The following AMD1 variants were observed in gnomAD, a reference collection of about 807,000 sequenced individuals.
The protein encoded by AMD1 is adenosylmethionine decarboxylase 1, also known as S-adenosylmethionine decarboxylase proenzyme.
AMD1 carries 11 observed loss-of-function variants against 40.2 expected under a neutral mutation model. That is an observed-to-expected ratio of 0.27 (90% confidence interval 0.17 to 0.45). AMD1 has a LOEUF of 0.45. Among genes scored for constraint, AMD1 ranks in the 20% least tolerant of loss-of-function variants. The pLI is 1.00. For missense variants in AMD1, 257 were observed against 410.2 expected, an observed-to-expected ratio of 0.63 and a Z score of 3.23; for synonymous variants, 121 against 130.8, an observed-to-expected ratio of 0.93 and a Z score of 0.51.
intron 1 of AMD1, among the ~76,000 whole-genome samples, chr6:110,876,757 T>C (rs868782985): frequency 6.6e-6 from 1 of 152,114 alleles, no homozygotes; most frequent in Middle Eastern, 3.4e-3. Context: ...AGATGGTATT[T>C]GTGATAGACG....
chr6:110,875,427 C>T, intron 1 of AMD1: 1 of 519,760 alleles, frequency 1.9e-6, no homozygotes, highest in East Asian at 3.4e-5. Flanking sequence ...CCGTGGTTGC[C>T]GCGCCTGGCA....
chr6:110,893,632 A>G lies in AMD1; in HGVS notation c.*16A>G. On this transcript the variant is annotated 3_prime_UTR_variant, in exon 9 of 9. Coordinates refer to ENST00000368885, the MANE Select transcript of AMD1 (RefSeq NM_001634.6). ...GCAGAGTTGATTAAGAAAAATGAAG[A>G]AAAAACGCAAAAAGAGAACACATGT... 1 of 1,608,740 alleles carries G rather than the reference A, an allele frequency of 6.2e-7. No homozygotes were observed. Among genetic ancestry groups the G allele is most frequent in the Non-Finnish European group, 8.5e-7 (1 of 1,179,456 alleles).
chr6:110,853,822 C>T, the AMD1 span, among the ~76,000 whole-genome samples: 4 of 152,334 alleles, frequency 2.6e-5, 1 homozygote, highest in South Asian at 6.2e-4. Flanking sequence ...ACTCTGTCTA[C>T]AATCCTCCAT....
the AMD1 span, among the ~76,000 whole-genome samples, chr6:110,828,076 T>C: frequency 6.6e-6 from 1 of 152,180 alleles, no homozygotes; most frequent in Non-Finnish European, 1.5e-5. Flanking sequence ...TTCACAGAGC[T>C]TGGGCATTTT....
rs1169915843 is a variant in AMD1 at position 110,895,085 on chromosome 6, CAAAGT to C, written c.*1470_*1474del. On this transcript the variant is annotated 3_prime_UTR_variant, in exon 9 of 9. Coordinates refer to ENST00000368885, the MANE Select transcript of AMD1 (RefSeq NM_001634.6). ...GGATTTTAAGGAACTGAGAAAACAG[CAAAGT>C]TGACTAAATTTTATATTTCTTGTCC... The C allele has an allele frequency of 6.6e-6, 1 of 152,166 alleles. No individual in the cohort carries two copies. The highest frequency in any genetic ancestry group is 1.5e-5 in the Non-Finnish European group (1 of 68,026). 9.4% of individuals were successfully genotyped at this position (152,166 alleles called of 1,614,324 possible).
chr6:110,834,503 AT>A, the AMD1 span, among the ~76,000 whole-genome samples: 1 of 152,136 alleles, frequency 6.6e-6, no homozygotes, highest in Admixed American at 6.6e-5. Flanking sequence ...TTCTATTGCA[AT>A]ATGTTGTTTT....
the AMD1 span, among the ~76,000 whole-genome samples, chr6:110,867,242 G>A: frequency 1.3e-5 from 2 of 151,424 alleles, no homozygotes; most frequent in African/African-American, 2.4e-5. Context: ...CAAATTCCTG[G>A]GTTCCGAGCA....
chr6:110,840,604 A>G, the AMD1 span, among the ~76,000 whole-genome samples: 4 of 152,156 alleles, frequency 2.6e-5, no homozygotes, highest in African/African-American at 9.7e-5. Context: ...CTTCAGGAAC[A>G]TTCAGGAGTT....
At chr6:110,865,587 GTT>G in the AMD1 span, among the ~76,000 whole-genome samples, 25 of 151,642 alleles carry the variant, frequency 1.6e-4, no homozygotes, top group Non-Finnish European at 3.1e-4. Context: ...CAGACACAGG[GTT>G]TCACCATGTT....
chr6:110,826,688 C>CTTTTTTT, the AMD1 span, among the ~76,000 whole-genome samples: 1 of 131,406 alleles, frequency 7.6e-6, no homozygotes, highest in African/African-American at 2.9e-5. Context: ...TCTTTTCTTT[C>CTTTTTTT]TTTTTTTTTT....
the AMD1 span, among the ~76,000 whole-genome samples, chr6:110,843,081 C>T: frequency 0.084 from 12,523 of 149,454 alleles, 910 homozygotes; most frequent in African/African-American, 0.21. Context: ...TGCAGTGAGC[C>T]GAGATCGGGC....
At chr6:110,847,042 A>AGTGTGTGTGTGT in the AMD1 span, among the ~76,000 whole-genome samples, 2 of 146,296 alleles carry the variant, frequency 1.4e-5, no homozygotes, top group Non-Finnish European at 3.0e-5. Flanking sequence ...GAACTAGGAG[A>AGTGTGTGTGTGT]GTGTGTGTGT....
At chr6:110,885,480 G>T (rs1234774132) in intron 1 of AMD1, among the ~76,000 whole-genome samples, 5 of 152,026 alleles carry the variant, frequency 3.3e-5, no homozygotes, top group African/African-American at 1.2e-4. Context: ...GCCCAGGCTG[G>T]TATGCAGTGG....
the AMD1 span, among the ~76,000 whole-genome samples, chr6:110,868,210 C>T: frequency 6.6e-6 from 1 of 151,866 alleles, no homozygotes; most frequent in Admixed American, 6.6e-5. Flanking sequence ...TACAGTGGTG[C>T]GATCTCGGCT....
chr6:110,831,081 C>T, the AMD1 span, among the ~76,000 whole-genome samples: 2 of 152,046 alleles, frequency 1.3e-5, no homozygotes, highest in Non-Finnish European at 2.9e-5. Context: ...TCTTTCTCTC[C>T]ATGATCATTA....
chr6:110,871,404 C>G (rs1032419770), upstream of AMD1, among the ~76,000 whole-genome samples: 15 of 152,104 alleles, frequency 9.9e-5, no homozygotes, highest in African/African-American at 3.6e-4. Context: ...ATTTTGTGCT[C>G]TGAACTAGGG....
chr6:110,816,251 G>T, the AMD1 span, among the ~76,000 whole-genome samples: 4 of 152,160 alleles, frequency 2.6e-5, no homozygotes, highest in South Asian at 2.1e-4. Flanking sequence ...AATTAAAAGT[G>T]CCTGGAGGAA....
chr6:110,839,278 G>C, the AMD1 span, among the ~76,000 whole-genome samples: 3 of 152,318 alleles, frequency 2.0e-5, 1 homozygote, highest in Admixed American at 2.0e-4. Flanking sequence ...GGCAAGGAGT[G>C]AAAAGGGAAA....
At chr6:110,856,923 G>T in the AMD1 span, among the ~76,000 whole-genome samples, 2 of 152,160 alleles carry the variant, frequency 1.3e-5, no homozygotes, top group African/African-American at 4.8e-5. Context: ...TAGCACTTTG[G>T]GAGGCCAAGG....
Sources: gnomAD v4.1 joint callset for allele counts (sites outside exome capture counted in the v4.1 genomes callset) on GRCh38, gnomAD v4.1.1 for gene constraint, MANE v1.5 for transcripts, NCBI Gene and HGNC (gene_info 2026-07-23, HGNC 2026-07-21) for gene names.